RALYL: variants seen among roughly 807,000 people sequenced by gnomAD.
RALYL encodes the protein RNA-binding Raly-like protein.
In RALYL, 29 loss-of-function variants were observed where a neutral mutation model predicts 35.1. The observed-to-expected ratio is 0.83, with a 90% CI of 0.61 to 1.13. RALYL has a LOEUF of 1.13. RALYL is among the 50% of genes most tolerant of loss of function. RALYL has a pLI of 0.00. For synonymous variants in RALYL, 120 were observed against 127.6 expected (o/e 0.94, Z 0.40); for missense variants, 359 against 360.4 (o/e 1.00, Z 0.03).
intron 1 of RALYL, among the ~76,000 whole-genome samples, chr8:84,442,791 G>C (rs1277204958): frequency 6.6e-6 from 1 of 152,122 alleles, no homozygotes; most frequent in African/African-American, 2.4e-5. Flanking sequence ...GAACTCACGT[G>C]TCATGCTACA....
intron 1 of RALYL, among the ~76,000 whole-genome samples, chr8:84,322,845 G>A (rs1390415878): frequency 6.6e-6 from 1 of 151,964 alleles, no homozygotes; most frequent in Non-Finnish European, 1.5e-5. Flanking sequence ...TTCCTCTGCA[G>A]GTCAAGTTAT....
At position 84,579,678 on chromosome 8, in the gene RALYL, G is replaced by T. The variant is rs540924703; in HGVS notation, c.256+50101G>T. 3.9e-5 allele frequency among the ~76,000 whole-genome samples: 6 copies of T among 152,206 alleles called. No homozygotes were observed. The South Asian group carries it at 1.2e-3, about 32-fold the overall frequency. On this transcript the variant is annotated intron_variant, in intron 2 of 8. Coordinates refer to ENST00000521268, the MANE Select transcript of RALYL (RefSeq NM_173848.7). ...TCAAAGTCATTATTTTAGTTACTTG[G>T]GTTATATAAATCATTGGATAAACTA...
At chr8:84,375,395 C>T (rs58436520) in intron 1 of RALYL, among the ~76,000 whole-genome samples, 4,470 of 151,816 alleles carry the variant, frequency 0.029, 209 homozygotes, top group African/African-American at 0.1. Flanking sequence ...AGAGTTATCA[C>T]TTACCATAAT....
intron 1 of RALYL, among the ~76,000 whole-genome samples, chr8:84,425,469 C>A (rs973714059): frequency 3.2e-4 from 49 of 152,124 alleles, no homozygotes; most frequent in African/African-American, 1.1e-3. Flanking sequence ...TAGTGAGATG[C>A]ACCCAGTACC....
chr8:84,518,366 A>G (rs975413153), intron 1 of RALYL, among the ~76,000 whole-genome samples: 1 of 152,206 alleles, frequency 6.6e-6, no homozygotes, highest in Non-Finnish European at 1.5e-5. Context: ...AAACTCACTC[A>G]TGGATATCAT....
chr8:84,806,565 C>CAAAA (rs534568702), intron 4 of RALYL, among the ~76,000 whole-genome samples: 4 of 95,750 alleles, frequency 4.2e-5, no homozygotes, highest in African/African-American at 1.1e-4. Context: ...AAAATCTCTC[C>CAAAA]AAAAAAAAAA....
chr8:84,725,344 G>T lies in RALYL; in HGVS notation c.257-49235G>T, dbSNP rs540383566. ...TCTTTTTCCATTACTATAGAAATTT[G>T]ATTTGTGGTAATGGCAGTTAATTAT... On this transcript the variant is annotated intron_variant, in intron 2 of 8. Transcript: ENST00000521268. Among the ~76,000 whole-genome samples, 14 of 151,780 alleles carry T rather than the reference G, an allele frequency of 9.2e-5. No homozygotes were observed. In the South Asian group the frequency reaches 2.3e-3, roughly 25 times the overall value.
At chr8:84,523,949 T>C (rs1386711125) in intron 1 of RALYL, among the ~76,000 whole-genome samples, 2 of 152,134 alleles carry the variant, frequency 1.3e-5, no homozygotes, top group Non-Finnish European at 2.9e-5. Context: ...AAGTCTTTGC[T>C]ATTGTGAATA....
chr8:84,846,599 T>G (rs1834719664), intron 4 of RALYL, among the ~76,000 whole-genome samples: 1 of 152,182 alleles, frequency 6.6e-6, no homozygotes, highest in Non-Finnish European at 1.5e-5. Flanking sequence ...TAACAACTCT[T>G]TTTTATTTGT....
intron 1 of RALYL, among the ~76,000 whole-genome samples, chr8:84,320,986 T>G (rs981704576): frequency 6.6e-6 from 1 of 152,154 alleles, no homozygotes; most frequent in Non-Finnish European, 1.5e-5. Flanking sequence ...CTTTTCATTT[T>G]TTGGCATATT....
intron 1 of RALYL, among the ~76,000 whole-genome samples, chr8:84,209,061 TTAA>T (rs1446901593): frequency 7.0e-6 from 1 of 143,704 alleles, no homozygotes; most frequent in Non-Finnish European, 1.5e-5. Flanking sequence ...ATACACACAT[TTAA>T]TAATAATAAA....
chr8:84,589,724 C>T (rs1812803082), intron 2 of RALYL, among the ~76,000 whole-genome samples: 1 of 152,036 alleles, frequency 6.6e-6, no homozygotes. Context: ...CAAATGCCAA[C>T]CTAAATTAAC....
intron 1 of RALYL, among the ~76,000 whole-genome samples, chr8:84,439,838 T>A (rs2048145561): frequency 6.6e-6 from 1 of 152,106 alleles, no homozygotes; most frequent in Non-Finnish European, 1.5e-5. Flanking sequence ...TCTTTATAAT[T>A]AAAAAATTAT....
At chr8:84,913,039 G>GTTA (rs1357713065) in intron 8 of RALYL, among the ~76,000 whole-genome samples, 1 of 132,790 alleles carries the variant, frequency 7.5e-6, no homozygotes, top group African/African-American at 2.7e-5. Context: ...TGGATAGGTA[G>GTTA]GTAGATAGAT....
At chr8:84,771,137 T>C (rs955924953) in intron 2 of RALYL, among the ~76,000 whole-genome samples, 1 of 152,146 alleles carries the variant, frequency 6.6e-6, no homozygotes, top group African/African-American at 2.4e-5. Flanking sequence ...GTCAGTATTT[T>C]TCCAGGGCAT....
At chr8:84,246,160 C>T (rs548858216) in intron 1 of RALYL, among the ~76,000 whole-genome samples, 1 of 152,208 alleles carries the variant, frequency 6.6e-6, no homozygotes, top group African/African-American at 2.4e-5. Flanking sequence ...CCAGTGAAGA[C>T]AGATGGAGCT....
chr8:84,919,528 G>A (rs185441086), intron 8 of RALYL, among the ~76,000 whole-genome samples: 1 of 151,860 alleles, frequency 6.6e-6, no homozygotes, highest in Non-Finnish European at 1.5e-5. Context: ...ACACAACCTG[G>A]AACTGCATGA....
At chr8:84,237,288 G>C (rs1346355731) in intron 1 of RALYL, among the ~76,000 whole-genome samples, 1 of 152,160 alleles carries the variant, frequency 6.6e-6, no homozygotes, top group Non-Finnish European at 1.5e-5. Context: ...GAAGTACTGA[G>C]AACAGCTCTG....
chr8:84,640,735 C>G (rs1236045591), intron 2 of RALYL, among the ~76,000 whole-genome samples: 1 of 151,818 alleles, frequency 6.6e-6, no homozygotes, highest in Non-Finnish European at 1.5e-5. Flanking sequence ...AGAGAAAAAG[C>G]TAAAAACAGT....
Sources: allele counts gnomAD v4.1 joint callset (sites outside exome capture counted in the v4.1 genomes callset), GRCh38; gene constraint gnomAD v4.1.1; transcripts MANE v1.5; gene names NCBI Gene and HGNC (gene_info 2026-07-23, HGNC 2026-07-21).